Variants in SLIT3 observed in about 807,000 individuals in gnomAD.
SLIT3 encodes slit guidance ligand 3.
SLIT3 carries 68 observed loss-of-function variants against 184.0 expected under a neutral mutation model. The ratio of observed to expected loss-of-function variants is 0.37; its 90% CI spans 0.30 to 0.45. The LOEUF is 0.45. SLIT3 is among the 20% of genes least tolerant of loss of function. SLIT3 has a pLI of 1.00. For missense variants in SLIT3, 1,707 were observed against 2,026.0 expected (o/e 0.84, Z 3.02); for synonymous variants, 831 against 828.6 (o/e 1.00, Z -0.05).
intron 4 of SLIT3, among the ~76,000 whole-genome samples, chr5:169,105,521 A>G (rs545011079): frequency 1.3e-5 from 2 of 152,312 alleles, no homozygotes; most frequent in East Asian, 1.9e-4. Context: ...CCAAGGTTGG[A>G]GTTGTCTTTG....
intron 4 of SLIT3, among the ~76,000 whole-genome samples, chr5:169,070,571 C>A (rs1016703180): frequency 2.6e-5 from 4 of 152,126 alleles, no homozygotes; most frequent in Non-Finnish European, 5.9e-5. Context: ...CTTTTGTCAG[C>A]GTGTTATCGG....
chr5:168,896,310 C>T (rs147104734), intron 4 of SLIT3, among the ~76,000 whole-genome samples: 130 of 152,254 alleles, frequency 8.5e-4, no homozygotes, highest in African/African-American at 3.0e-3. Flanking sequence ...AAAATACCTA[C>T]GTGCGGGAAT....
At chr5:169,060,060 A>C (rs572005603) in intron 4 of SLIT3, among the ~76,000 whole-genome samples, 1 of 152,334 alleles carries the variant, frequency 6.6e-6, no homozygotes, top group South Asian at 2.1e-4. Flanking sequence ...ACCTGACCAC[A>C]CTGGCATCCT....
intron 4 of SLIT3, among the ~76,000 whole-genome samples, chr5:169,145,369 T>C (rs1242957152): frequency 6.6e-6 from 1 of 152,206 alleles, no homozygotes; most frequent in Non-Finnish European, 1.5e-5. Flanking sequence ...CGTGTCAGTT[T>C]CTTCCCAGGT....
At chr5:168,939,974 A>AG (rs757809049) in intron 4 of SLIT3, among the ~76,000 whole-genome samples, 1 of 152,246 alleles carries the variant, frequency 6.6e-6, no homozygotes, top group South Asian at 2.1e-4. Context: ...GTGGTTACCT[A>AG]GGTAGTAAGT....
chr5:168,737,629 C>T (rs1763481536), intron 20 of SLIT3, among the ~76,000 whole-genome samples: 1 of 152,204 alleles, frequency 6.6e-6, no homozygotes, highest in Non-Finnish European at 1.5e-5. Flanking sequence ...CAAATCCATG[C>T]TCATTGTCCT....
chr5:168,978,848 C>T (rs1754852755), intron 4 of SLIT3, among the ~76,000 whole-genome samples: 1 of 150,692 alleles, frequency 6.6e-6, no homozygotes, highest in Admixed American at 6.7e-5. Context: ...TCTCTCCCTC[C>T]TCCATTGGAA....
intron 25 of SLIT3, among the ~76,000 whole-genome samples, chr5:168,709,466 G>A (rs943552280): frequency 6.6e-6 from 1 of 152,180 alleles, no homozygotes; most frequent in African/African-American, 2.4e-5. Flanking sequence ...TAAACCTAGA[G>A]GGTGGAGCCA....
intron 4 of SLIT3, among the ~76,000 whole-genome samples, chr5:169,184,382 C>T (rs191015694): frequency 6.6e-6 from 1 of 152,244 alleles, no homozygotes; most frequent in East Asian, 1.9e-4. Context: ...AAACTCAAGC[C>T]CAGTTTCCTC....
At chr5:169,258,156 G>A (rs763086697) in intron 1 of SLIT3, among the ~76,000 whole-genome samples, 1 of 152,104 alleles carries the variant, frequency 6.6e-6, no homozygotes, top group Non-Finnish European at 1.5e-5. Context: ...TCACATACCA[G>A]GGAAGTGGGT....
intron 29 of SLIT3, among the ~76,000 whole-genome samples, chr5:168,690,475 C>A (rs1761872464): frequency 6.6e-6 from 1 of 152,210 alleles, no homozygotes; most frequent in Non-Finnish European, 1.5e-5. Flanking sequence ...CCTTCCCGGG[C>A]ATGCCCAGAG....
At chr5:168,915,380 C>A (rs1761399375) in intron 4 of SLIT3, among the ~76,000 whole-genome samples, 1 of 152,114 alleles carries the variant, frequency 6.6e-6, no homozygotes, top group Non-Finnish European at 1.5e-5. Context: ...AGCGACTTTA[C>A]AATAGAGCAA....
At chr5:169,110,568 T>C (rs775972564) in intron 4 of SLIT3, among the ~76,000 whole-genome samples, 1 of 152,152 alleles carries the variant, frequency 6.6e-6, no homozygotes, top group Admixed American at 6.5e-5. Context: ...AATTTCCCCT[T>C]CTCTGACACA....
At chr5:168,696,804 T>C (rs1762078535) in intron 27 of SLIT3, among the ~76,000 whole-genome samples, 1 of 152,144 alleles carries the variant, frequency 6.6e-6, no homozygotes, top group Admixed American at 6.5e-5. Context: ...TTGGCTCTTC[T>C]GAGGCACAAT....
chr5:168,986,876 A>G (rs1046602659), intron 4 of SLIT3, among the ~76,000 whole-genome samples: 2 of 152,190 alleles, frequency 1.3e-5, no homozygotes, highest in Admixed American at 1.3e-4. Flanking sequence ...CATGATATAC[A>G]CATTGTTTAC....
chr5:168,939,873 T>C (rs6883258), intron 4 of SLIT3, among the ~76,000 whole-genome samples: 19,212 of 152,266 alleles, frequency 0.13, 2,649 homozygotes, highest in African/African-American at 0.35. Context: ...TTAAAGATTT[T>C]GTATATATTA....
chr5:169,171,269 G>A (rs905963399), intron 4 of SLIT3, among the ~76,000 whole-genome samples: 5 of 152,202 alleles, frequency 3.3e-5, no homozygotes, highest in African/African-American at 7.2e-5. Context: ...TGTTTGCAAT[G>A]ACTTTCCAGT....
intron 14 of SLIT3, chr5:168,768,252 G>A (rs1283703706): frequency 1.2e-5 from 6 of 509,260 alleles, no homozygotes; most frequent in Non-Finnish European, 2.4e-5. Flanking sequence ...CGCAGCGACT[G>A]GTCAGAGTCA....
intron 4 of SLIT3, among the ~76,000 whole-genome samples, chr5:168,889,831 T>A (rs917118031): frequency 6.6e-6 from 1 of 152,176 alleles, no homozygotes; most frequent in Middle Eastern, 3.4e-3. Context: ...AAATATAAAA[T>A]AAACATCTAG....
Sources: gnomAD v4.1 joint callset for allele counts (sites outside exome capture counted in the v4.1 genomes callset) on GRCh38, gnomAD v4.1.1 for gene constraint, MANE v1.5 for transcripts, NCBI Gene and HGNC (gene_info 2026-07-23, HGNC 2026-07-21) for gene names.